Variants in LMBR1 observed in about 807,000 individuals in gnomAD.
The protein encoded by LMBR1 is limb development membrane protein 1.
A neutral mutation model predicts 73.9 loss-of-function variants in LMBR1; 52 were observed. That is an observed-to-expected ratio of 0.70 (90% CI 0.56 to 0.89). The LOEUF is 0.89. Ranked by LOEUF, LMBR1 falls within the 40% of genes least tolerant of loss-of-function variation. The probability of loss-of-function intolerance (pLI) is 0.00; values close to 1 mark genes in which losing one functional copy is unlikely to be tolerated. For missense variants in LMBR1, 539 were observed against 579.8 expected (o/e 0.93, Z 0.72); for synonymous variants, 215 against 209.4 (o/e 1.03, Z -0.23).
intron 4 of LMBR1, among the ~76,000 whole-genome samples, chr7:156,809,661 A>T (rs975102792): frequency 1.3e-5 from 2 of 152,208 alleles, no homozygotes; most frequent in African/African-American, 4.8e-5. Context: ...CAGATCTAGA[A>T]TCCACAGATC....
intron 4 of LMBR1, among the ~76,000 whole-genome samples, chr7:156,813,789 G>T (rs1232515649): frequency 6.6e-6 from 1 of 152,030 alleles, no homozygotes; most frequent in Non-Finnish European, 1.5e-5. Flanking sequence ...GCCTCACTTT[G>T]GTTAAGTTCC....
chr7:156,843,832 T>C (rs1839138560), intron 1 of LMBR1, among the ~76,000 whole-genome samples: 2 of 94,732 alleles, frequency 2.1e-5, no homozygotes, highest in Non-Finnish European at 4.2e-5. Context: ...CAAGACCCTG[T>C]CTCAAAAAAA....
chr7:156,710,051 C>T (rs1424668106), intron 15 of LMBR1, among the ~76,000 whole-genome samples: 1 of 151,792 alleles, frequency 6.6e-6, no homozygotes, highest in Non-Finnish European at 1.5e-5. Flanking sequence ...ACTACAGGCG[C>T]CCGCCACCAT....
chr7:156,762,840 AGT>A (rs772516533), intron 7 of LMBR1, among the ~76,000 whole-genome samples: 5 of 115,672 alleles, frequency 4.3e-5, no homozygotes, highest in Admixed American at 3.8e-4. Context: ...AAAGTGTGTG[AGT>A]GTGAGTGTGT....
intron 4 of LMBR1, among the ~76,000 whole-genome samples, chr7:156,798,467 C>T (rs527375021): frequency 6.6e-6 from 1 of 152,238 alleles, no homozygotes; most frequent in South Asian, 2.1e-4. Flanking sequence ...CTTCCCTCCC[C>T]CAACAGCCTA....
chr7:156,780,935 C>T, intron 5 of LMBR1, among the ~76,000 whole-genome samples: 1 of 152,106 alleles, frequency 6.6e-6, no homozygotes, highest in East Asian at 1.9e-4. Flanking sequence ...TTAAAAGAAA[C>T]AAGACAAACC....
chr7:156,699,367 A>G (rs2132033356), intron 15 of LMBR1, among the ~76,000 whole-genome samples: 1 of 152,066 alleles, frequency 6.6e-6, no homozygotes, highest in Non-Finnish European at 1.5e-5. Flanking sequence ...GAAAGCTGAA[A>G]CTGGATCCCT....
intron 4 of LMBR1, among the ~76,000 whole-genome samples, chr7:156,816,836 A>G (rs1833990841): frequency 6.6e-6 from 1 of 152,158 alleles, no homozygotes; most frequent in South Asian, 2.1e-4. Context: ...ATATTCCTTA[A>G]TAATATTCTA....
intron 1 of LMBR1, among the ~76,000 whole-genome samples, chr7:156,853,128 C>T (rs529216072): frequency 1.1e-4 from 17 of 151,214 alleles, no homozygotes; most frequent in Non-Finnish European, 1.6e-4. Flanking sequence ...TTAGTAGAGA[C>T]GGGATTTCAC....
At chr7:156,833,583 G>GAACCACTGCTAA in intron 3 of LMBR1, 170 bp downstream of exon 3, 1 of 572,384 alleles carries the variant, frequency 1.7e-6, no homozygotes, top group Non-Finnish European at 3.0e-6. Context: ...TAGGAGATTG[G>GAACCACTGCTAA]ATTATCCACA....
At chr7:156,754,299 C>T (rs1821455131) in intron 9 of LMBR1, among the ~76,000 whole-genome samples, 1 of 152,172 alleles carries the variant, frequency 6.6e-6, no homozygotes, top group African/African-American at 2.4e-5. Flanking sequence ...ATTTTTAAAA[C>T]CAAGTATGAA....
intron 2 of LMBR1, among the ~76,000 whole-genome samples, chr7:156,835,726 G>C (rs952683625): frequency 6.0e-5 from 9 of 149,506 alleles, no homozygotes; most frequent in Non-Finnish European, 8.9e-5. Flanking sequence ...TCAAGTCTTA[G>C]AGAATGTGTT....
chr7:156,861,040 C>T (rs1455843805), intron 1 of LMBR1, among the ~76,000 whole-genome samples: 1 of 152,238 alleles, frequency 6.6e-6, no homozygotes, highest in Non-Finnish European at 1.5e-5. Context: ...TCTCACAGCT[C>T]CACTAGGTGG....
In LMBR1 at chr7:156,683,968, G is replaced by A; in HGVS notation, c.*110C>T. ...AAAAAAAATGGCACTGATAGGTCTAGGTTCTGAAGAGGGGCCACGGTTGAA... is the reference window on the plus strand; with the variant it reads ...AAAAAAAATGGCACTGATAGGTCTAAGTTCTGAAGAGGGGCCACGGTTGAA... On this transcript the variant is annotated 3_prime_UTR_variant, in exon 17 of 17. Coordinates refer to ENST00000353442, the MANE Select transcript of LMBR1 (RefSeq NM_022458.4). 1 of 839,876 alleles carries A rather than the reference G, an allele frequency of 1.2e-6. No homozygotes were observed. The highest frequency in any genetic ancestry group is 2.2e-5 in the Admixed American group (1 of 46,474). The allele number at this position is 839,876 out of a possible 1,614,324, so 52.0% of individuals were successfully genotyped here.
chr7:156,863,211 G>A (rs1263350316), intron 1 of LMBR1, among the ~76,000 whole-genome samples: 3 of 152,140 alleles, frequency 2.0e-5, no homozygotes, highest in Non-Finnish European at 4.4e-5. Context: ...CCGTCTGAAA[G>A]CTGAGGAGCA....
In LMBR1 at chr7:156,679,997, C is replaced by A. The variant is rs1804731779; in HGVS notation, c.*4081G>T. On this transcript the variant is annotated 3_prime_UTR_variant, in exon 17 of 17. Transcript: ENST00000353442. ...TCCTTCAAGACATATGGATCAATCACCAAGTTTTGAAATTTTGTATATATT... is the reference window on the plus strand; with the variant it reads ...TCCTTCAAGACATATGGATCAATCAACAAGTTTTGAAATTTTGTATATATT... 6.6e-6 allele frequency: 1 copy of A among 152,126 alleles called. No individual in the cohort carries two copies. The highest frequency in any genetic ancestry group is 1.5e-5 in the Non-Finnish European group (1 of 68,032). The allele number at this position is 152,126 out of a possible 1,614,324, so 9.4% of individuals were successfully genotyped here. A position where few individuals can be genotyped will look rare whatever the true frequency, so the allele number is the denominator to read the frequency against.
chr7:156,701,870 C>T (rs755478767), intron 15 of LMBR1, among the ~76,000 whole-genome samples: 1 of 152,204 alleles, frequency 6.6e-6, no homozygotes, highest in Non-Finnish European at 1.5e-5. Flanking sequence ...TAAGTGAGAA[C>T]ATGTGGTGTT....
chr7:156,787,018 G>A (rs1461012549), intron 5 of LMBR1, among the ~76,000 whole-genome samples: 3 of 151,974 alleles, frequency 2.0e-5, no homozygotes, highest in Non-Finnish European at 4.4e-5. Flanking sequence ...AATATTAGCC[G>A]CAAACTCTTG....
chr7:156,773,995 A>G (rs933378251), intron 5 of LMBR1, among the ~76,000 whole-genome samples: 1 of 144,274 alleles, frequency 6.9e-6, no homozygotes, highest in Non-Finnish European at 1.5e-5. Flanking sequence ...TCCAGAATCT[A>G]TAAGGAACTT....
Sources: gnomAD v4.1 joint callset for allele counts (sites outside exome capture counted in the v4.1 genomes callset) on GRCh38, gnomAD v4.1.1 for gene constraint, MANE v1.5 for transcripts, NCBI Gene and HGNC (gene_info 2026-07-23, HGNC 2026-07-21) for gene names.